Variants in GABRA5 observed in about 807,000 individuals in gnomAD.
GABRA5 encodes the protein gamma-aminobutyric acid receptor subunit alpha-5.
Under a neutral mutation model 47.3 loss-of-function variants are expected in GABRA5, and 18 were observed. That is an observed-to-expected ratio of 0.38 (90% confidence interval 0.26 to 0.56). The LOEUF (loss-of-function observed/expected upper bound fraction) is 0.56, where lower values mean the gene tolerates loss of function less well. Among genes scored for constraint, GABRA5 ranks in the 20% least tolerant of loss-of-function variants. The probability of loss-of-function intolerance (pLI) is 0.71; values close to 1 mark genes in which losing one functional copy is unlikely to be tolerated. For missense variants in GABRA5, 365 were observed against 599.3 expected (o/e 0.61, Z 4.08); for synonymous variants, 237 against 229.3 (o/e 1.03, Z -0.30).
intron 7 of GABRA5, among the ~76,000 whole-genome samples, chr15:26,919,787 G>A (rs1277358048): frequency 6.6e-6 from 1 of 151,970 alleles, no homozygotes; most frequent in African/African-American, 2.4e-5. Context: ...ACTCTCTTTA[G>A]TATTTCTTGC....
At chr15:26,893,412 T>TATG (rs1566870519) in intron 6 of GABRA5, among the ~76,000 whole-genome samples, 1 of 332 alleles carries the variant, frequency 3.0e-3, no homozygotes, top group Non-Finnish European at 4.8e-3. Context: ...GTGTTGTGTG[T>TATG]GTTGTGTGTG....
At chr15:26,893,573 C>G (rs141403061) in intron 6 of GABRA5, among the ~76,000 whole-genome samples, 17,469 of 151,760 alleles carry the variant, frequency 0.12, 1,084 homozygotes, top group East Asian at 0.17. Context: ...CTGCCTAGGG[C>G]TCCCCTTCCT....
chr15:26,915,833 T>G (rs2140295754), intron 7 of GABRA5, among the ~76,000 whole-genome samples: 1 of 152,334 alleles, frequency 6.6e-6, no homozygotes, highest in Non-Finnish European at 1.5e-5. Flanking sequence ...GTGGGCAAGT[T>G]AATTAGACTC....
At chr15:26,899,836 G>A (rs908341714) in intron 6 of GABRA5, among the ~76,000 whole-genome samples, 2 of 151,894 alleles carry the variant, frequency 1.3e-5, no homozygotes, top group Non-Finnish European at 2.9e-5. Flanking sequence ...TATCTATATC[G>A]ATTCTGCCAA....
At chr15:26,897,499 C>G (rs1893226672) in intron 6 of GABRA5, among the ~76,000 whole-genome samples, 1 of 152,112 alleles carries the variant, frequency 6.6e-6, no homozygotes, top group South Asian at 2.1e-4. Flanking sequence ...GCCACCCAGC[C>G]CGTGGTACTT....
At position 26,940,016 on chromosome 15, in the gene GABRA5, GAT is replaced by G. The variant is rs1235217698; in HGVS notation, c.817_818del (p.Ile273LeufsTer94). The part of the protein sequence containing the change: ...QTYLPCIMTV[I>X]LSQVSFWLNR... Reference sequence around the variant, plus strand: ...CCTACCTTCCCTGCATAATGACCGTGATCTTATCACAGGTGTCCTTTTGGCTG... The same window carrying G: ...CCTACCTTCCCTGCATAATGACCGTGCTTATCACAGGTGTCCTTTTGGCTG... On this transcript the variant is annotated frameshift_variant, in exon 9 of 11. Coordinates refer to ENST00000335625, the MANE Select transcript of GABRA5 (RefSeq NM_000810.4). LOFTEE classifies it high-confidence loss of function. The G allele has an allele frequency of 1.2e-6, 2 of 1,614,004 alleles. No individual in the cohort carries two copies. Among genetic ancestry groups the G allele is most frequent in the Admixed American group, 3.3e-5 (2 of 60,022 alleles).
chr15:26,881,179 C>T (rs1892721884), intron 4 of GABRA5, among the ~76,000 whole-genome samples: 2 of 152,136 alleles, frequency 1.3e-5, no homozygotes, highest in African/African-American at 4.8e-5. Context: ...ACGCAAGATC[C>T]TTTGTTATTT....
chr15:26,913,345 G>GA (rs1362968600), intron 6 of GABRA5, among the ~76,000 whole-genome samples: 7 of 152,138 alleles, frequency 4.6e-5, no homozygotes, highest in African/African-American at 1.7e-4. Flanking sequence ...GATGGACACA[G>GA]ACCTCCCTTC....
intron 6 of GABRA5, among the ~76,000 whole-genome samples, chr15:26,908,076 A>T (rs1260134544): frequency 6.6e-6 from 1 of 152,248 alleles, no homozygotes; most frequent in Non-Finnish European, 1.5e-5. Flanking sequence ...TATTGCTAGC[A>T]TCAGTAACTT....
intron 6 of GABRA5, among the ~76,000 whole-genome samples, chr15:26,908,967 G>A (rs891875820): frequency 2.0e-5 from 3 of 152,166 alleles, no homozygotes; most frequent in Admixed American, 6.5e-5. Context: ...ATAACTGCTG[G>A]TCATTAGACT....
At chr15:26,910,338 A>G (rs185523236) in intron 6 of GABRA5, among the ~76,000 whole-genome samples, 9 of 152,276 alleles carry the variant, frequency 5.9e-5, no homozygotes, top group Non-Finnish European at 1.2e-4. Flanking sequence ...GTGGTGGCTC[A>G]CACCTGTAAT....
In GABRA5 at chr15:26,937,257, A is replaced by G. The variant is rs369047132; in HGVS notation, c.653A>G (p.Asp218Gly). The change falls in exon 8 of 11, where the codon GAT becomes GGT. Residue 218 changes from aspartate to glycine, a missense_variant. By Grantham distance (94) the Asp-to-Gly change is moderately conservative. Around this residue, in one of 3 missense-constraint regions of GABRA5, gnomAD observed 216 missense variants for 335.3 expected, o/e 0.64. Transcript: ENST00000335625. ...GSTKSVVVAE[D>G]GSRLNQYHLM... ...ACCAAGTCGGTGGTGGTGGCGGAAG[A>G]TGGCTCCAGACTGAACCAGTACCAC... 6 of 1,613,988 alleles carry G rather than the reference A, an allele frequency of 3.7e-6. No homozygotes were observed. Among genetic ancestry groups the G allele is most frequent in the Non-Finnish European group, 5.1e-6 (6 of 1,179,880 alleles).
rs761277326 is a variant in GABRA5 at position 26,948,650 on chromosome 15, T to C, written c.*417T>C. 1.3e-3 allele frequency: 222 copies of C among 168,370 alleles called. 1 individual carries two copies. Among genetic ancestry groups the C allele is most frequent in the Non-Finnish European group, 2.2e-3 (173 of 77,086 alleles). 10.4% of individuals were successfully genotyped at this position (168,370 alleles called of 1,614,324 possible). On this transcript the variant is annotated 3_prime_UTR_variant, in exon 11 of 11. Coordinates refer to ENST00000335625, the MANE Select transcript of GABRA5 (RefSeq NM_000810.4). ...ATGATTATTAGTTGACCAACTATAT[T>C]GCGAGAAACAGAGATCATAAAGAGC...
intron 7 of GABRA5, among the ~76,000 whole-genome samples, chr15:26,929,369 T>C (rs1894037080): frequency 1.3e-5 from 2 of 152,128 alleles, no homozygotes. Context: ...CATCAGACCT[T>C]AAAGCTTCAG....
At chr15:26,947,511 G>A (rs192681551) in intron 10 of GABRA5, among the ~76,000 whole-genome samples, 164 of 152,236 alleles carry the variant, frequency 1.1e-3, no homozygotes, top group African/African-American at 3.8e-3. Context: ...CTCCATCCAT[G>A]TTCCTGCAAA....
chr15:26,940,303 T>C (rs1267959514), intron 9 of GABRA5, among the ~76,000 whole-genome samples: 1 of 152,218 alleles, frequency 6.6e-6, no homozygotes, highest in Non-Finnish European at 1.5e-5. Context: ...TTGATAGTTA[T>C]TTACTTGTTG....
At chr15:26,894,667 T>G (rs1325125952) in intron 6 of GABRA5, among the ~76,000 whole-genome samples, 1 of 152,156 alleles carries the variant, frequency 6.6e-6, no homozygotes, top group Non-Finnish European at 1.5e-5. Flanking sequence ...TACTCTCTGG[T>G]CCTGGCTCTA....
intron 7 of GABRA5, among the ~76,000 whole-genome samples, chr15:26,919,703 A>G (rs965424638): frequency 2.6e-5 from 4 of 152,166 alleles, no homozygotes; most frequent in Admixed American, 2.6e-4. Context: ...ATACCTGTGT[A>G]AATACCTTTC....
At chr15:26,871,775 C>T (rs902881626) in intron 3 of GABRA5, among the ~76,000 whole-genome samples, 7 of 152,188 alleles carry the variant, frequency 4.6e-5, no homozygotes, top group Admixed American at 1.3e-4. Flanking sequence ...GCATATTTGA[C>T]AGGGCAAGAG....
Sources: gnomAD v4.1 joint callset for allele counts (sites outside exome capture counted in the v4.1 genomes callset) on GRCh38, gnomAD v4.1.1 for gene constraint, gnomAD v4.1.1 regional missense constraint, MANE v1.5 for transcripts, NCBI Gene and HGNC (gene_info 2026-07-23, HGNC 2026-07-21) for gene names.